The following TRABD2B variants were observed in gnomAD, a reference collection of about 807,000 sequenced individuals.
The protein encoded by TRABD2B is metalloprotease TIKI2.
A neutral mutation model predicts 40.1 loss-of-function variants in TRABD2B; 14 were observed. That is an observed-to-expected ratio of 0.35 (90% CI 0.23 to 0.55). TRABD2B has a LOEUF of 0.55. Ranked by LOEUF, TRABD2B falls within the 20% of genes least tolerant of loss-of-function variation. TRABD2B has a pLI of 0.90. For missense variants in TRABD2B, 541 were observed against 648.6 expected, an observed-to-expected ratio of 0.83 and a Z score of 1.80; for synonymous variants, 263 against 277.0, an observed-to-expected ratio of 0.95 and a Z score of 0.50.
At chr1:47,865,819 C>T (rs1644047965) in intron 2 of TRABD2B, among the ~76,000 whole-genome samples, 1 of 152,078 alleles carries the variant, frequency 6.6e-6, no homozygotes, top group African/African-American at 2.4e-5. Context: ...GTGAGAGTGG[C>T]AGACACTTCC....
intron 2 of TRABD2B, among the ~76,000 whole-genome samples, chr1:47,851,036 T>G (rs530278703): frequency 1.4e-4 from 20 of 141,928 alleles, no homozygotes; most frequent in African/African-American, 6.0e-4. Flanking sequence ...CTCGCTCACC[T>G]GCTCACCTCC....
chr1:47,913,844 G>A (rs1644794880), intron 2 of TRABD2B, among the ~76,000 whole-genome samples: 1 of 152,090 alleles, frequency 6.6e-6, no homozygotes, highest in South Asian at 2.1e-4. Flanking sequence ...GCCTACACAG[G>A]AAAACTCATT....
At chr1:47,836,060 A>C (rs1372078426) in intron 2 of TRABD2B, among the ~76,000 whole-genome samples, 2 of 152,230 alleles carry the variant, frequency 1.3e-5, no homozygotes, top group African/African-American at 4.8e-5. Flanking sequence ...CTACACAGAA[A>C]AAGTTTTTAT....
intron 2 of TRABD2B, among the ~76,000 whole-genome samples, chr1:47,874,473 C>T (rs1413014468): frequency 9.4e-5 from 14 of 149,586 alleles, no homozygotes; most frequent in African/African-American, 3.2e-4. Flanking sequence ...GGGGTTTCAC[C>T]TTGTTAGCCA....
At chr1:47,826,883 T>C (rs1645183181) in intron 2 of TRABD2B, among the ~76,000 whole-genome samples, 1 of 152,178 alleles carries the variant, frequency 6.6e-6, no homozygotes, top group South Asian at 2.1e-4. Flanking sequence ...TAGGGAGCCA[T>C]TCTTGGAGAA....
intron 2 of TRABD2B, among the ~76,000 whole-genome samples, chr1:47,912,936 G>A (rs1185623113): frequency 2.6e-5 from 4 of 152,246 alleles, no homozygotes; most frequent in South Asian, 4.2e-4. Context: ...AGCACAGGCC[G>A]CCCCTAGCAC....
At chr1:47,767,620 C>G (rs1294168783) in intron 6 of TRABD2B, among the ~76,000 whole-genome samples, 1 of 152,238 alleles carries the variant, frequency 6.6e-6, no homozygotes, top group Non-Finnish European at 1.5e-5. Context: ...GGGCCAGGAT[C>G]TGAACTGGGC....
intron 2 of TRABD2B, among the ~76,000 whole-genome samples, chr1:47,848,117 C>G (rs1458087349): frequency 6.6e-6 from 1 of 152,190 alleles, no homozygotes; most frequent in East Asian, 1.9e-4. Flanking sequence ...GGACCCCAGC[C>G]CCTAGACTAG....
chr1:47,957,584 C>T (rs541880140), intron 2 of TRABD2B, among the ~76,000 whole-genome samples: 17 of 151,984 alleles, frequency 1.1e-4, no homozygotes, highest in African/African-American at 3.4e-4. Flanking sequence ...CTTCAGTAGC[C>T]GATTCGATCA....
At chr1:47,781,517 C>T (rs540727138) in intron 4 of TRABD2B, among the ~76,000 whole-genome samples, 11 of 152,338 alleles carry the variant, frequency 7.2e-5, no homozygotes, top group Admixed American at 2.6e-4. Context: ...CGTGTCTGGC[C>T]GGCGTTCCTA....
At chr1:47,771,198 A>G (rs1015696662) in intron 6 of TRABD2B, among the ~76,000 whole-genome samples, 3 of 152,004 alleles carry the variant, frequency 2.0e-5, no homozygotes, top group African/African-American at 7.3e-5. Context: ...GGAGCTGGAG[A>G]ATCTGGGGGC....
At position 47,994,100 on chromosome 1, in the gene TRABD2B, G is replaced by A. The variant is rs1325133846; in HGVS notation, c.600C>T (p.Thr200=). Residue 200 remains threonine (T), a synonymous_variant, in exon 2 of 7, where the codon ACC becomes ACT. Coordinates refer to ENST00000606738, the MANE Select transcript of TRABD2B (RefSeq NM_001194986.2). The surrounding 1 kb of genome is among the most constrained non-coding windows in gnomAD (Gnocchi z 6.7). ...LAQQAEKMKK[T]TGAVEQVEEQ... is the part of the protein sequence containing the mutation. ...CCTCCACCTGCTCCACAGCCCCTGT[G>A]GTCTTCTTCATCTTCTCAGCCTGCT... 2 of 1,536,278 alleles carry A rather than the reference G, an allele frequency of 1.3e-6. No individual in the cohort carries two copies. The highest frequency in any genetic ancestry group is 1.7e-6 in the Non-Finnish European group (2 of 1,146,946).
intron 2 of TRABD2B, among the ~76,000 whole-genome samples, chr1:47,870,707 A>G (rs577468043): frequency 6.6e-5 from 10 of 152,314 alleles, no homozygotes; most frequent in African/African-American, 2.4e-4. Context: ...CTAGTGTGGG[A>G]CACAGACATG....
At position 47,810,351 on chromosome 1, in the gene TRABD2B, C is replaced by T. The variant is rs1040205620; in HGVS notation, c.667-8732G>A. ...TCCCAATAAACTAGGACAACAAGTT[C>T]GTGCCATCACCCCCTGCCCCCCCGC... On this transcript the variant is annotated intron_variant, in intron 2 of 6. Coordinates refer to ENST00000606738, the MANE Select transcript of TRABD2B (RefSeq NM_001194986.2). 3.3e-5 allele frequency among the ~76,000 whole-genome samples: 5 copies of T among 152,136 alleles called. No homozygotes were observed. In the East Asian group the frequency reaches 5.8e-4, roughly 18 times the overall value.
intron 2 of TRABD2B, among the ~76,000 whole-genome samples, chr1:47,857,166 G>C (rs1177762089): frequency 6.6e-6 from 1 of 152,160 alleles, no homozygotes; most frequent in Non-Finnish European, 1.5e-5. Context: ...CATCCAAGTG[G>C]GCAGTCTTGG....
At chr1:47,832,025 G>A (rs974775585) in intron 2 of TRABD2B, among the ~76,000 whole-genome samples, 3 of 152,166 alleles carry the variant, frequency 2.0e-5, no homozygotes, top group Non-Finnish European at 4.4e-5. Context: ...GGAGTCATGT[G>A]AGTCAGACTC....
At chr1:47,912,805 C>T (rs1644780651) in intron 2 of TRABD2B, among the ~76,000 whole-genome samples, 1 of 152,108 alleles carries the variant, frequency 6.6e-6, no homozygotes, top group African/African-American at 2.4e-5. Context: ...AGGCCCACCT[C>T]GTCCCAGGAG....
At chr1:47,881,288 G>C (rs1644300448) in intron 2 of TRABD2B, among the ~76,000 whole-genome samples, 1 of 152,212 alleles carries the variant, frequency 6.6e-6, no homozygotes, top group South Asian at 2.1e-4. Context: ...GTCTCTCTGT[G>C]TGCCCCTGTG....
At chr1:47,809,952 T>C (rs567028688) in intron 2 of TRABD2B, among the ~76,000 whole-genome samples, 116 of 152,332 alleles carry the variant, frequency 7.6e-4, no homozygotes, top group African/African-American at 2.5e-3. Flanking sequence ...ATTGAGCACT[T>C]ATGTAGCAGA....
Sources: gnomAD v4.1 joint callset for allele counts (sites outside exome capture counted in the v4.1 genomes callset) on GRCh38, gnomAD v4.1.1 for gene constraint, Gnocchi (gnomAD v3.1) non-coding constraint, MANE v1.5 for transcripts, NCBI Gene and HGNC (gene_info 2026-07-23, HGNC 2026-07-21) for gene names.